SUSD4: variants seen among roughly 807,000 people sequenced by gnomAD.
The protein encoded by SUSD4 is sushi domain-containing protein 4.
SUSD4 carries 41 observed loss-of-function variants against 50.5 expected under a neutral mutation model. That is an observed-to-expected ratio of 0.81 (90% CI 0.63 to 1.05). SUSD4 has a LOEUF of 1.05. Among genes scored for constraint, SUSD4 ranks in the 50% least tolerant of loss-of-function variants. The probability of loss-of-function intolerance (pLI) is 0.00; values close to 1 mark genes in which losing one functional copy is unlikely to be tolerated. For missense variants in SUSD4, 580 were observed against 634.7 expected (o/e 0.91, Z 0.93); for synonymous variants, 257 against 257.3 (o/e 1.00, Z 0.01).
intron 3 of SUSD4, among the ~76,000 whole-genome samples, chr1:223,283,096 A>G (rs1400888602): frequency 6.6e-6 from 1 of 152,232 alleles, no homozygotes; most frequent in African/African-American, 2.4e-5. Flanking sequence ...TGGATTAAAG[A>G]CTTAAATATT....
chr1:223,332,640 G>C lies in SUSD4; in HGVS notation c.148+30638C>G, dbSNP rs1264850739. 6.6e-6 allele frequency among the ~76,000 whole-genome samples: 1 copy of C among 152,174 alleles called. No homozygotes were observed. Among genetic ancestry groups the C allele is most frequent in the Non-Finnish European group, 1.5e-5 (1 of 68,030 alleles). On this transcript the variant is annotated intron_variant, in intron 2 of 8. Transcript: ENST00000366878. The surrounding 1 kb of genome is among the most constrained non-coding windows in gnomAD (Gnocchi z 4.0). ...ACATGGCCTGACCACACTGTAGCAA[G>C]TAATTCTGCAATTCTCAGTGACTGC...
rs1262788098 is a variant in SUSD4 at position 223,331,567 on chromosome 1, A to G, written c.148+31711T>C. Among the ~76,000 whole-genome samples, 3 of 152,198 alleles carry G rather than the reference A, an allele frequency of 2.0e-5. No individual in the cohort carries two copies. In the East Asian group the frequency reaches 5.8e-4, roughly 29 times the overall value. On this transcript the variant is annotated intron_variant, in intron 2 of 8. Coordinates refer to ENST00000366878, the MANE Select transcript of SUSD4 (RefSeq NM_017982.4). ...ACAGTCTTTCCACTCCGCCTACTTA[A>G]AAGCCCTTGGTTGATCTCCGAGGCC... is the stretch of plus-strand genomic sequence containing the variant.
At chr1:223,309,891 T>TA (rs896591695) in intron 2 of SUSD4, among the ~76,000 whole-genome samples, 19 of 152,340 alleles carry the variant, frequency 1.2e-4, no homozygotes, top group Admixed American at 1.2e-3. Flanking sequence ...CCTCTGTGCT[T>TA]ACAGGGTTCC....
In SUSD4 at chr1:223,254,335, T is replaced by C. The variant is rs1403400926; in HGVS notation, c.724+10295A>G. 2.0e-5 allele frequency among the ~76,000 whole-genome samples: 3 copies of C among 152,200 alleles called. No homozygotes were observed. The East Asian group carries it at 5.8e-4, about 29-fold the overall frequency. ...TTGGTGGGAGAAGAATCACCTCTCTTCTTCCTCTGACCTCAGTCTAGATCT... is the reference window on the plus strand; with the variant it reads ...TTGGTGGGAGAAGAATCACCTCTCTCCTTCCTCTGACCTCAGTCTAGATCT... On this transcript the variant is annotated intron_variant, in intron 5 of 8. Transcript: ENST00000366878.
chr1:223,352,360 A>G (rs1265617517), intron 2 of SUSD4, among the ~76,000 whole-genome samples: 2 of 152,246 alleles, frequency 1.3e-5, no homozygotes, highest in Non-Finnish European at 2.9e-5. Context: ...GATTTTCAGC[A>G]AAGCCACTCT....
intron 2 of SUSD4, among the ~76,000 whole-genome samples, chr1:223,296,361 C>T (rs114459990): frequency 0.011 from 1,694 of 152,188 alleles, 28 homozygotes; most frequent in African/African-American, 0.038. Context: ...ATTAACAGAA[C>T]AAGATGAAGA....
At chr1:223,294,458 G>A (rs1664697952) in intron 2 of SUSD4, among the ~76,000 whole-genome samples, 1 of 152,118 alleles carries the variant, frequency 6.6e-6, no homozygotes, top group Non-Finnish European at 1.5e-5. Context: ...TTATGTGCTT[G>A]TGTAGGATTC....
intron 7 of SUSD4, among the ~76,000 whole-genome samples, chr1:223,224,484 GAAAA>G (rs1159992517): frequency 6.6e-6 from 1 of 151,858 alleles, no homozygotes; most frequent in Non-Finnish European, 1.5e-5. Flanking sequence ...TTTAAAAAAA[GAAAA>G]AGAAAAAGGA....
At chr1:223,251,623 G>A (rs186479528) in intron 5 of SUSD4, among the ~76,000 whole-genome samples, 112 of 152,322 alleles carry the variant, frequency 7.4e-4, no homozygotes, top group African/African-American at 2.6e-3. Flanking sequence ...TGGTGTATAT[G>A]TGCCACATTT....
intron 3 of SUSD4, among the ~76,000 whole-genome samples, chr1:223,285,549 C>T (rs1664082846): frequency 6.6e-6 from 1 of 152,090 alleles, no homozygotes; most frequent in African/African-American, 2.4e-5. Context: ...GGAAAGAGTA[C>T]CCATGTGCTT....
At position 223,332,362 on chromosome 1, in the gene SUSD4, A is replaced by G. The variant is rs1316031544; in HGVS notation, c.148+30916T>C. 6.6e-6 allele frequency among the ~76,000 whole-genome samples: 1 copy of G among 152,228 alleles called. No individual in the cohort carries two copies. Among genetic ancestry groups the G allele is most frequent in the Admixed American group, 6.5e-5 (1 of 15,286 alleles). On this transcript the variant is annotated intron_variant, in intron 2 of 8. Transcript: ENST00000366878. The surrounding 1 kb of genome is among the most constrained non-coding windows in gnomAD (Gnocchi z 4.0). Reference sequence around the variant, plus strand: ...TGGCATATCTATATTCAGACACGGTACCTGAATTTCCAACAAGCATCAAAA... The same window carrying G: ...TGGCATATCTATATTCAGACACGGTGCCTGAATTTCCAACAAGCATCAAAA...
At chr1:223,328,691 C>T (rs1440326719) in intron 2 of SUSD4, among the ~76,000 whole-genome samples, 1 of 152,186 alleles carries the variant, frequency 6.6e-6, no homozygotes, top group Non-Finnish European at 1.5e-5. Flanking sequence ...TGCAAAGCTT[C>T]CTGGCTTGTG....
At chr1:223,337,065 G>A (rs1245637284) in intron 2 of SUSD4, among the ~76,000 whole-genome samples, 1 of 152,164 alleles carries the variant, frequency 6.6e-6, no homozygotes, top group Non-Finnish European at 1.5e-5. Flanking sequence ...ACTGGATAAC[G>A]GTATGAGCTG....
chr1:223,222,062 T>C lies in SUSD4; in HGVS notation c.*130A>G, dbSNP rs1659165521. ...TCACTGTGGAGCCTGAGATGCATAA[T>C]GTGAACTGTGGTCCCCATGTAGACA... On this transcript the variant is annotated 3_prime_UTR_variant, in exon 9 of 9. Coordinates refer to ENST00000366878, the MANE Select transcript of SUSD4 (RefSeq NM_017982.4). The C allele has an allele frequency of 6.0e-6, 5 of 836,168 alleles. No individual in the cohort carries two copies. In the South Asian group the frequency reaches 9.1e-5, roughly 15 times the overall value. 51.8% of individuals were successfully genotyped at this position (836,168 alleles called of 1,614,324 possible).
At chr1:223,298,461 C>T (rs1284814139) in intron 2 of SUSD4, among the ~76,000 whole-genome samples, 1 of 152,214 alleles carries the variant, frequency 6.6e-6, no homozygotes, top group Non-Finnish European at 1.5e-5. Flanking sequence ...CTTCAGCCCT[C>T]TTCCTCCCTC....
intron 2 of SUSD4, among the ~76,000 whole-genome samples, chr1:223,314,893 T>C (rs1268166269): frequency 1.3e-5 from 2 of 152,182 alleles, no homozygotes; most frequent in Non-Finnish European, 2.9e-5. Context: ...AGAAATCTTA[T>C]CTGACAGTGT....
At chr1:223,358,986 C>T in intron 2 of SUSD4, 1 of 451,014 alleles carries the variant, frequency 2.2e-6, no homozygotes. Context: ...TCTGTTTCCA[C>T]CTGCTGGCAC....
At chr1:223,354,044 AAAAG>A in intron 2 of SUSD4, among the ~76,000 whole-genome samples, 1 of 152,152 alleles carries the variant, frequency 6.6e-6, no homozygotes, top group African/African-American at 2.4e-5. Flanking sequence ...GAAAAAAAAA[AAAAG>A]AAAGTAGCAA....
At chr1:223,352,858 G>T (rs935708011) in intron 2 of SUSD4, among the ~76,000 whole-genome samples, 1 of 152,006 alleles carries the variant, frequency 6.6e-6, no homozygotes, top group East Asian at 1.9e-4. Context: ...CACCATGCCC[G>T]CACACCTCCA....
Sources: gnomAD v4.1 joint callset for allele counts (sites outside exome capture counted in the v4.1 genomes callset) on GRCh38, gnomAD v4.1.1 for gene constraint, Gnocchi (gnomAD v3.1) non-coding constraint, MANE v1.5 for transcripts, NCBI Gene and HGNC (gene_info 2026-07-23, HGNC 2026-07-21) for gene names.